Variants in RHCG observed in about 807,000 individuals in gnomAD.
RHCG encodes Rh family C glycoprotein, also known as ammonium transporter Rh type C.
In RHCG, 39 loss-of-function variants were observed where a neutral mutation model predicts 55.3. That is an observed-to-expected ratio of 0.70 (90% confidence interval 0.55 to 0.92). The LOEUF (loss-of-function observed/expected upper bound fraction) is 0.92, where lower values mean the gene tolerates loss of function less well. RHCG is among the 40% of genes least tolerant of loss of function. RHCG has a pLI of 0.00. For missense variants in RHCG, 635 were observed against 627.9 expected (o/e 1.01, Z -0.12); for synonymous variants, 250 against 246.8 (o/e 1.01, Z -0.12).
chr15:89,488,776 G>A (rs78937475), intron 1 of RHCG, among the ~76,000 whole-genome samples: 1 of 122,646 alleles, frequency 8.2e-6, no homozygotes, highest in Non-Finnish European at 1.8e-5. Context: ...GGGAGAATGG[G>A]GGGGGGGGAG....
rs770013690 is a variant in RHCG, at chr15:89,496,395, G to C, written c.150C>G (p.Ser50Arg). 1.1e-5 allele frequency: 17 copies of C among 1,613,866 alleles called. No individual in the cohort carries two copies. In the Admixed American group the frequency reaches 2.8e-4, roughly 27 times the overall value. The change falls in exon 1 of 11, where the codon AGC becomes AGG. Residue 50 changes from serine to arginine, a missense_variant. By Grantham distance (110) the Ser-to-Arg change is moderately radical. Coordinates refer to ENST00000268122, the MANE Select transcript of RHCG (RefSeq NM_016321.3). ...WWSERTHKNL[S>R]DMENEFYYRY... ...GATAGTAGAATTCGTTCTCCATGTC[G>C]CTCAAGTTCTTGTGCGTCCTCTCTG... is the stretch of plus-strand genomic sequence containing the variant.
intron 9 of RHCG, among the ~76,000 whole-genome samples, chr15:89,476,212 G>A (rs1000539680): frequency 3.3e-5 from 5 of 152,094 alleles, no homozygotes; most frequent in Admixed American, 2.0e-4. Context: ...CACTACAGAC[G>A]CATTCCACCA....
At chr15:89,487,058 A>G in intron 1 of RHCG, 73 bp from the exon 2 acceptor site, 1 of 1,358,790 alleles carries the variant, frequency 7.4e-7, no homozygotes, top group South Asian at 1.6e-5. Context: ...TGGGCCAGGA[A>G]GGCCGGGGTA....
At chr15:89,478,990 G>A (rs1961209528) in intron 5 of RHCG, among the ~76,000 whole-genome samples, 1 of 152,066 alleles carries the variant, frequency 6.6e-6, no homozygotes, top group Admixed American at 6.6e-5. Context: ...GTCCCAGCTA[G>A]TTGGGAAACT....
chr15:89,478,353 A>G (rs908988519), intron 5 of RHCG, among the ~76,000 whole-genome samples: 2 of 152,152 alleles, frequency 1.3e-5, no homozygotes, highest in African/African-American at 4.8e-5. Flanking sequence ...TCAAGTGCCT[A>G]TGGGGTCTAG....
At chr15:89,496,330 C>T (rs2141906472) in intron 1 of RHCG, 31 bp downstream of exon 1, 1 of 1,611,634 alleles carries the variant, frequency 6.2e-7, no homozygotes, top group South Asian at 1.1e-5. Flanking sequence ...GCGGATATGC[C>T]TCCGCTGGGC....
At chr15:89,481,239 C>G (rs1218351479) in intron 3 of RHCG, among the ~76,000 whole-genome samples, 2 of 152,152 alleles carry the variant, frequency 1.3e-5, no homozygotes, top group Non-Finnish European at 2.9e-5. Flanking sequence ...CACCTGAGGT[C>G]AGGAGTTCAA....
chr15:89,472,493 C>T (rs780642085), intron 10 of RHCG, among the ~76,000 whole-genome samples: 1 of 152,190 alleles, frequency 6.6e-6, no homozygotes, highest in African/African-American at 2.4e-5. Context: ...GCCCTTGTGC[C>T]TTCACCTGTT....
chr15:89,485,894 C>A (rs1961349968), intron 2 of RHCG, among the ~76,000 whole-genome samples: 1 of 152,202 alleles, frequency 6.6e-6, no homozygotes, highest in African/African-American at 2.4e-5. Flanking sequence ...ATAAATGAGT[C>A]ATTCAGTGAG....
chr15:89,482,938 A>C (rs1316653430), intron 3 of RHCG, 129 bp downstream of exon 3: 1 of 909,592 alleles, frequency 1.1e-6, no homozygotes, highest in African/African-American at 1.7e-5. Context: ...GAGATGAGAA[A>C]ACTGAGTGAC....
chr15:89,485,511 G>A (rs905119040), intron 2 of RHCG, among the ~76,000 whole-genome samples: 13 of 152,172 alleles, frequency 8.5e-5, no homozygotes, highest in Admixed American at 2.0e-4. Flanking sequence ...ATCATACCTC[G>A]TTGGTATCCT....
chr15:89,486,593 A>AGTGT (rs1380658005), intron 2 of RHCG: 360 of 416,930 alleles, frequency 8.6e-4, no homozygotes, highest in African/African-American at 4.4e-3. Flanking sequence ...AGAGAGAGAG[A>AGTGT]GAGAGAGTGT....
At chr15:89,491,371 G>A (rs1422730243) in intron 1 of RHCG, among the ~76,000 whole-genome samples, 3 of 152,148 alleles carry the variant, frequency 2.0e-5, no homozygotes, top group Non-Finnish European at 2.9e-5. Flanking sequence ...TCCCCAATTT[G>A]TCCTCTTGCT....
At position 89,477,450 on chromosome 15, in the gene RHCG, T is replaced by G; in HGVS notation, c.1112+67A>C. The G allele has an allele frequency of 1.3e-6, 2 of 1,589,854 alleles. No homozygotes were observed. The highest frequency in any genetic ancestry group is 1.7e-6 in the Non-Finnish European group (2 of 1,166,110). On this transcript the variant is annotated intron_variant, in intron 7 of 10. Coordinates refer to ENST00000268122, the MANE Select transcript of RHCG (RefSeq NM_016321.3). The surrounding 1 kb of genome is among the most constrained non-coding windows in gnomAD (Gnocchi z 4.5). Reference sequence around the variant, plus strand: ...AAGATGCAGTCGGGTCCCAGAGGAATAGCAGGAAGAAGGGATGGGAGAAGG... The same window carrying G: ...AAGATGCAGTCGGGTCCCAGAGGAAGAGCAGGAAGAAGGGATGGGAGAAGG...
At chr15:89,491,793 G>T (rs941781558) in intron 1 of RHCG, among the ~76,000 whole-genome samples, 8 of 149,300 alleles carry the variant, frequency 5.4e-5, no homozygotes, top group African/African-American at 1.5e-4. Context: ...AAAAAAAAAA[G>T]ATTTTTAATA....
Position 89,481,190 on chromosome 15 carries a change from C to T in RHCG, c.523-782G>A, listed in dbSNP as rs532233357. Reference sequence around the variant, plus strand: ...AGCCAGGCACAGTGGTGGCTCATGCCTGTAATCCCAGCACTTTGGGAGGCC... The same window carrying T: ...AGCCAGGCACAGTGGTGGCTCATGCTTGTAATCCCAGCACTTTGGGAGGCC... On this transcript the variant is annotated intron_variant, in intron 3 of 10. Coordinates refer to ENST00000268122, the MANE Select transcript of RHCG (RefSeq NM_016321.3). Among the ~76,000 whole-genome samples, 35 of 152,346 alleles carry T rather than the reference C, an allele frequency of 2.3e-4. No homozygotes were observed. The South Asian group carries it at 6.8e-3, about 30-fold the overall frequency.
intron 2 of RHCG, chr15:89,486,597 A>AGAGTGTGAGT: frequency 3.1e-6 from 1 of 322,896 alleles, no homozygotes; most frequent in Non-Finnish European, 5.9e-6. Context: ...AGAGAGAGAG[A>AGAGTGTGAGT]GAGTGTGTGT....
In RHCG at chr15:89,477,350, T is replaced by C; in HGVS notation, c.1113-144A>G. The C allele has an allele frequency of 1.4e-6, 2 of 1,414,732 alleles. No homozygotes were observed. Among genetic ancestry groups the C allele is most frequent in the Non-Finnish European group, 9.7e-7 (1 of 1,034,534 alleles). The allele number at this position is 1,414,732 out of a possible 1,614,324, so 87.6% of individuals were successfully genotyped here. ...GACACCGGACATATCAGTTGGCCTC[T>C]AAAACTCTAAGGGACAGAGTTTGGG... On this transcript the variant is annotated intron_variant, in intron 7 of 10. Transcript: ENST00000268122. The surrounding 1 kb of genome is among the most constrained non-coding windows in gnomAD (Gnocchi z 4.5).
intron 2 of RHCG, among the ~76,000 whole-genome samples, chr15:89,483,642 T>C (rs1306445037): frequency 6.6e-6 from 1 of 152,210 alleles, no homozygotes; most frequent in African/African-American, 2.4e-5. Flanking sequence ...ATGCAGTTTC[T>C]GCCTCCAGAT....
Sources: allele counts gnomAD v4.1 joint callset (sites outside exome capture counted in the v4.1 genomes callset), GRCh38; gene constraint gnomAD v4.1.1; non-coding constraint Gnocchi (gnomAD v3.1); transcripts MANE v1.5; gene names NCBI Gene and HGNC (gene_info 2026-07-23, HGNC 2026-07-21).